The following PRUNE2 variants were observed in gnomAD, a reference collection of about 807,000 sequenced individuals.
PRUNE2 encodes protein prune homolog 2.
PRUNE2 carries 164 observed loss-of-function variants against 252.0 expected under a neutral mutation model. The observed-to-expected ratio is 0.65, with a 90% CI of 0.57 to 0.74. The LOEUF is 0.74. PRUNE2 is among the 30% of genes least tolerant of loss of function. PRUNE2 has a pLI of 0.00. For missense variants in PRUNE2, 3,495 were observed against 3,711.0 expected, an observed-to-expected ratio of 0.94 and a Z score of 1.51; for synonymous variants, 1,292 against 1,350.2, an observed-to-expected ratio of 0.96 and a Z score of 0.94.
chr9:76,789,393 C>T (rs2055336861), intron 6 of PRUNE2, among the ~76,000 whole-genome samples: 1 of 152,194 alleles, frequency 6.6e-6, no homozygotes, highest in Admixed American at 6.5e-5. Context: ...GGAGCCAAGA[C>T]TCGACTCCCA....
chr9:76,829,374 G>A (rs1430948176), intron 4 of PRUNE2, among the ~76,000 whole-genome samples: 1 of 152,116 alleles, frequency 6.6e-6, no homozygotes, highest in Non-Finnish European at 1.5e-5. Context: ...AAAGTTTAGG[G>A]CCCTCTACAG....
chr9:76,714,822 C>A (rs2047011381), intron 6 of PRUNE2, among the ~76,000 whole-genome samples: 1 of 152,176 alleles, frequency 6.6e-6, no homozygotes, highest in Non-Finnish European at 1.5e-5. Context: ...ACTAGTTGTT[C>A]AAGAAATGTT....
At chr9:76,774,477 T>TTTTTTA (rs2053525405) in intron 6 of PRUNE2, among the ~76,000 whole-genome samples, 1 of 147,844 alleles carries the variant, frequency 6.8e-6, no homozygotes, top group African/African-American at 2.5e-5. Flanking sequence ...TTTTTTTTTT[T>TTTTTTA]GAGATGGAGT....
At chr9:76,620,612 C>T (rs1173036895) in intron 17 of PRUNE2, among the ~76,000 whole-genome samples, 3 of 152,114 alleles carry the variant, frequency 2.0e-5, no homozygotes, top group Non-Finnish European at 2.9e-5. Flanking sequence ...AAATGACAGG[C>T]GGCTATCTCC....
rs775875269 is a variant in PRUNE2, at chr9:76,709,583, T to C, written c.2691A>G (p.Lys897=). The C allele has an allele frequency of 6.2e-7, 1 of 1,614,018 alleles. No homozygotes were observed. The highest frequency in any genetic ancestry group is 8.5e-7 in the Non-Finnish European group (1 of 1,179,898). Residue 897 remains lysine (K), a synonymous_variant, in exon 8 of 19, where the codon AAA becomes AAG. Transcript: ENST00000376718. ...DHTWTNSKPP[K]EDQNGLVDPK... is the part of the protein sequence containing the mutation. ...GATCCACTAAACCATTCTGATCTTC[T>C]TTTGGTGGCTTAGAATTAGTCCATG...
chr9:76,720,917 C>T (rs2047587488), intron 6 of PRUNE2, among the ~76,000 whole-genome samples: 1 of 151,992 alleles, frequency 6.6e-6, no homozygotes, highest in African/African-American at 2.4e-5. Flanking sequence ...ATCGAGACCA[C>T]GGTGAAACCC....
At chr9:76,810,628 G>A (rs2057294421) in intron 6 of PRUNE2, among the ~76,000 whole-genome samples, 1 of 152,166 alleles carries the variant, frequency 6.6e-6, no homozygotes, top group African/African-American at 2.4e-5. Context: ...TTAAGCAACA[G>A]TAAAAGAGAT....
At chr9:76,759,253 C>T (rs1175591981) in intron 6 of PRUNE2, 1 of 152,222 alleles carries the variant, frequency 6.6e-6, no homozygotes, top group African/African-American at 2.4e-5. Context: ...TGACTGTGAA[C>T]TCATACTTAC....
intron 1 of PRUNE2, among the ~76,000 whole-genome samples, chr9:76,888,790 G>C (rs571302878): frequency 3.9e-5 from 6 of 152,118 alleles, no homozygotes; most frequent in African/African-American, 1.4e-4. Context: ...CTAAAAGACT[G>C]CCAGTTCCTT....
intron 9 of PRUNE2, among the ~76,000 whole-genome samples, chr9:76,691,213 T>C (rs948389226): frequency 6.6e-6 from 1 of 152,182 alleles, no homozygotes; most frequent in Admixed American, 6.5e-5. Flanking sequence ...TCAAACCATG[T>C]CAACAGTTCA....
At chr9:76,623,911 T>C (rs1011884075) in intron 17 of PRUNE2, among the ~76,000 whole-genome samples, 1 of 152,250 alleles carries the variant, frequency 6.6e-6, no homozygotes, top group Non-Finnish European at 1.5e-5. Context: ...TTTGCCTTTT[T>C]GAGATTCATA....
chr9:76,808,121 T>A (rs932208365), intron 6 of PRUNE2, among the ~76,000 whole-genome samples: 5 of 152,162 alleles, frequency 3.3e-5, no homozygotes, highest in African/African-American at 4.8e-5. Flanking sequence ...GAGGTTGCAG[T>A]GAGCCGAGAT....
chr9:76,834,258 G>A (rs558375825), intron 4 of PRUNE2, among the ~76,000 whole-genome samples: 1 of 152,094 alleles, frequency 6.6e-6, no homozygotes, highest in Non-Finnish European at 1.5e-5. Flanking sequence ...GCAAGCAAAA[G>A]AAGTAGAAAG....
Position 76,734,247 on chromosome 9 carries a change from G to T in PRUNE2, c.757-20526C>A, listed in dbSNP as rs182799073. Among the ~76,000 whole-genome samples, 49 of 152,280 alleles carry T rather than the reference G, an allele frequency of 3.2e-4. 1 individual carries two copies. In the East Asian group the frequency reaches 8.1e-3, roughly 25 times the overall value. ...GTGCCTTCCAGTTCTGATATTCAATGATTTAATAATCCTAAAATGGAAAGA... is the reference window on the plus strand; with the variant it reads ...GTGCCTTCCAGTTCTGATATTCAATTATTTAATAATCCTAAAATGGAAAGA... On this transcript the variant is annotated intron_variant, in intron 6 of 18. Transcript: ENST00000376718.
chr9:76,689,834 T>C (rs555808744), intron 9 of PRUNE2, among the ~76,000 whole-genome samples: 1 of 152,304 alleles, frequency 6.6e-6, no homozygotes, highest in Non-Finnish European at 1.5e-5. Context: ...AATTCTAAAA[T>C]TTAGTTCAGC....
chr9:76,868,225 CTT>C (rs983484348), intron 1 of PRUNE2, among the ~76,000 whole-genome samples: 3 of 152,280 alleles, frequency 2.0e-5, no homozygotes, highest in Admixed American at 6.5e-5. Context: ...TTTATAGTAA[CTT>C]ATATCAAAAA....
At chr9:76,755,703 GTT>G (rs148813008) in intron 6 of PRUNE2, among the ~76,000 whole-genome samples, 8 of 152,056 alleles carry the variant, frequency 5.3e-5, no homozygotes, top group Non-Finnish European at 5.9e-5. Flanking sequence ...ACCATACTTT[GTT>G]TTTGTTTCTG....
At chr9:76,896,632 A>C (rs1277841641) in intron 1 of PRUNE2, among the ~76,000 whole-genome samples, 2 of 150,912 alleles carry the variant, frequency 1.3e-5, no homozygotes, top group Non-Finnish European at 3.0e-5. Flanking sequence ...CCTTTCCTTC[A>C]CTTCTGTGTG....
At chr9:76,783,311 A>G (rs2054623159) in intron 6 of PRUNE2, among the ~76,000 whole-genome samples, 1 of 151,854 alleles carries the variant, frequency 6.6e-6, no homozygotes, top group Non-Finnish European at 1.5e-5. Context: ...TAATTTTTGT[A>G]TTTTTAGTAG....
Sources: allele counts gnomAD v4.1 joint callset (sites outside exome capture counted in the v4.1 genomes callset), GRCh38; gene constraint gnomAD v4.1.1; transcripts MANE v1.5; gene names NCBI Gene and HGNC (gene_info 2026-07-23, HGNC 2026-07-21).